SPAG17: variants seen among roughly 807,000 people sequenced by gnomAD.
SPAG17 encodes sperm associated antigen 17.
A neutral mutation model predicts 273.6 loss-of-function variants in SPAG17; 169 were observed. That is an observed-to-expected ratio of 0.62 (90% confidence interval 0.55 to 0.70). SPAG17 has a LOEUF of 0.70. Ranked by LOEUF, SPAG17 falls within the 30% of genes least tolerant of loss-of-function variation. The probability of loss-of-function intolerance (pLI) is 0.00; values close to 1 mark genes in which losing one functional copy is unlikely to be tolerated. For synonymous variants in SPAG17, 825 were observed against 873.2 expected (o/e 0.94, Z 0.97); for missense variants, 2,557 against 2,627.8 (o/e 0.97, Z 0.59).
rs1398840361 is a variant in SPAG17, at chr1:118,073,888, A to G, written c.2351T>C (p.Phe784Ser). Residue 784 changes from phenylalanine (F) to serine (S), a missense_variant, in exon 17 of 49, where the codon TTT (phenylalanine) becomes TCT (serine). By Grantham distance (155) the Phe-to-Ser change is radical (BLOSUM62 -2). Coordinates refer to ENST00000336338, the MANE Select transcript of SPAG17 (RefSeq NM_206996.4). ...TACTTTCGGTTTAAAATGTTCAGTA[A>G]AACTCCAGTCCATTAGACTGCGCTG... ...TQQRSLMDWS[F>S]TEHFKPKVLL... The G allele has an allele frequency of 1.3e-6, 2 of 1,580,480 alleles. No homozygotes were observed. Among genetic ancestry groups the G allele is most frequent in the Admixed American group, 3.9e-5 (2 of 51,084 alleles).
At chr1:118,090,731 T>C (rs1045159334) in intron 10 of SPAG17, among the ~76,000 whole-genome samples, 1 of 151,970 alleles carries the variant, frequency 6.6e-6, no homozygotes, top group Admixed American at 6.6e-5. Context: ...AAAAAAATTA[T>C]TTTAAATTCG....
chr1:117,996,346 T>C, intron 34 of SPAG17, 24 bp downstream of exon 34: 2 of 1,600,262 alleles, frequency 1.2e-6, no homozygotes, highest in Non-Finnish European at 8.5e-7. Context: ...ACACCGTGCA[T>C]TCCAGACAGT....
At chr1:118,166,960 CT>C (rs1660197187) in intron 1 of SPAG17, among the ~76,000 whole-genome samples, 2 of 151,916 alleles carry the variant, frequency 1.3e-5, no homozygotes, top group Admixed American at 1.3e-4. Context: ...GTAGATATTA[CT>C]TTTTGAGGCT....
intron 10 of SPAG17, among the ~76,000 whole-genome samples, chr1:118,090,087 G>A (rs1655266640): frequency 6.6e-6 from 1 of 152,158 alleles, no homozygotes; most frequent in South Asian, 2.1e-4. Flanking sequence ...TATCTTTACA[G>A]CAGTGTGAAA....
intron 29 of SPAG17, 57 bp from the exon 30 acceptor site, chr1:118,012,429 C>G (rs868735169): frequency 1.3e-6 from 2 of 1,559,534 alleles, no homozygotes; most frequent in Non-Finnish European, 8.7e-7. Context: ...CCCAAGTGTA[C>G]TTATTTTTAT....
intron 32 of SPAG17, 52 bp downstream of exon 32, chr1:118,005,362 A>G: frequency 7.0e-7 from 1 of 1,433,300 alleles, no homozygotes; most frequent in East Asian, 2.5e-5. Flanking sequence ...AGTGTGAAAT[A>G]TCTCAAAAGC....
In SPAG17 at chr1:117,995,735, C is replaced by CACACACACACAT. The variant is rs113958878; in HGVS notation, c.5053+634_5053+635insATGTGTGTGTGT. Among the ~76,000 whole-genome samples the CACACACACACAT allele has an allele frequency of 4.0e-4, 60 of 149,628 alleles. 1 individual carries two copies. Among genetic ancestry groups the CACACACACACAT allele is most frequent in the South Asian group, 2.1e-3 (10 of 4,662 alleles). ...ACACACACACACACACACACACACACAAACCTAGGCACAGCACATAGGTTT... is the reference window on the plus strand; with the variant it reads ...ACACACACACACACACACACACACACACACACACACATAAACCTAGGCACAGCACATAGGTTT... On this transcript the variant is annotated intron_variant, in intron 34 of 48. Coordinates refer to ENST00000336338, the MANE Select transcript of SPAG17 (RefSeq NM_206996.4).
chr1:118,096,930 A>G (rs1448314352), intron 7 of SPAG17, among the ~76,000 whole-genome samples: 2 of 152,162 alleles, frequency 1.3e-5, no homozygotes, highest in Non-Finnish European at 2.9e-5. Flanking sequence ...TCTTGGCCAA[A>G]TATATTAAAA....
intron 18 of SPAG17, among the ~76,000 whole-genome samples, chr1:118,056,233 GAGTTAATGAC>G (rs1401587301): frequency 1.3e-5 from 2 of 152,114 alleles, no homozygotes; most frequent in African/African-American, 4.8e-5. Flanking sequence ...ATAATACCAA[GAGTTAATGAC>G]AGTTTGAAGA....
Position 118,025,186 on chromosome 1 carries a change from T to C in SPAG17, c.3909+52A>G, listed in dbSNP as rs919845546. ...ATAGAACAGTTCCTTACCCATAAGT[T>C]GTCTTTTACTTTGGAACAGGGAAGA... On this transcript the variant is annotated intron_variant, in intron 27 of 48. Transcript: ENST00000336338. 1.8e-5 allele frequency: 29 copies of C among 1,568,728 alleles called. No individual in the cohort carries two copies. The Middle Eastern group carries it at 5.1e-4, about 27-fold the overall frequency.
intron 3 of SPAG17, among the ~76,000 whole-genome samples, chr1:118,143,318 T>C (rs911175541): frequency 3.3e-5 from 5 of 152,154 alleles, no homozygotes; most frequent in African/African-American, 7.2e-5. Flanking sequence ...GTGATGCAAG[T>C]AGAAAAAACA....
chr1:118,101,174 G>C (rs1186201527), intron 5 of SPAG17, among the ~76,000 whole-genome samples: 1 of 152,140 alleles, frequency 6.6e-6, no homozygotes. Context: ...CAGCACTGTG[G>C]GAGGCTGAGG....
intron 27 of SPAG17, among the ~76,000 whole-genome samples, chr1:118,024,900 T>A (rs961338391): frequency 1.3e-5 from 2 of 152,208 alleles, no homozygotes; most frequent in African/African-American, 4.8e-5. Context: ...AATCTTCTGA[T>A]CTATTATTGA....
At chr1:118,072,616 T>G (rs936427465) in intron 17 of SPAG17, among the ~76,000 whole-genome samples, 3 of 152,184 alleles carry the variant, frequency 2.0e-5, no homozygotes, top group Non-Finnish European at 4.4e-5. Flanking sequence ...AAGAGGCAAT[T>G]ATTAACTGCA....
chr1:117,970,003 A>G lies in SPAG17; in HGVS notation c.6387+53T>C, dbSNP rs1056204628. On this transcript the variant is annotated intron_variant, in intron 46 of 48. Coordinates refer to ENST00000336338, the MANE Select transcript of SPAG17 (RefSeq NM_206996.4). Reference sequence around the variant, plus strand: ...AGCCCACTTCACTGGAAACCTATACATAGTCACTTGCATGCACGCAAGCAC... The same window carrying G: ...AGCCCACTTCACTGGAAACCTATACGTAGTCACTTGCATGCACGCAAGCAC... The G allele has an allele frequency of 3.9e-6, 6 of 1,544,364 alleles. No homozygotes were observed. The African/African-American group carries it at 4.1e-5, about 11-fold the overall frequency.
At chr1:117,987,746 G>T (rs1035567526) in intron 40 of SPAG17, 88 bp downstream of exon 40, 9 of 1,294,398 alleles carry the variant, frequency 7.0e-6, no homozygotes, top group African/African-American at 1.5e-5. Context: ...ACATCTGGGT[G>T]CCTGGCAGGA....
chr1:117,973,304 A>T lies in SPAG17; in HGVS notation c.6141+121T>A, dbSNP rs1295421945. 6.1e-6 allele frequency: 8 copies of T among 1,314,310 alleles called. No individual in the cohort carries two copies. The African/African-American group carries it at 1.0e-4, about 17-fold the overall frequency. The allele number at this position is 1,314,310 out of a possible 1,614,324, so 81.4% of individuals were successfully genotyped here. ...AGTACACAGTGGCCGGAAACTAATA[A>T]CTTCAATGAATCAGAATTACATAAA... On this transcript the variant is annotated intron_variant, in intron 44 of 48. Coordinates refer to ENST00000336338, the MANE Select transcript of SPAG17 (RefSeq NM_206996.4).
chr1:118,150,961 T>C (rs1659344027), intron 2 of SPAG17, among the ~76,000 whole-genome samples: 1 of 152,192 alleles, frequency 6.6e-6, no homozygotes, highest in Non-Finnish European at 1.5e-5. Context: ...TTGAATTAAA[T>C]ATTTTGTCAC....
In SPAG17 at chr1:118,149,582, G is replaced by A. The variant is rs998856016; in HGVS notation, c.315+961C>T. Among the ~76,000 whole-genome samples, 5 of 152,176 alleles carry A rather than the reference G, an allele frequency of 3.3e-5. No individual in the cohort carries two copies. In the East Asian group the frequency reaches 5.8e-4, roughly 18 times the overall value. The stretch of plus-strand genomic sequence containing the variant: ...AGATAACTTTGGCATGATGGTGAGC[G>A]CCGCGTAGCAAGAGTTAATGCTATA... On this transcript the variant is annotated intron_variant, in intron 3 of 48. Transcript: ENST00000336338.
Sources: gnomAD v4.1 joint callset for allele counts (sites outside exome capture counted in the v4.1 genomes callset) on GRCh38, gnomAD v4.1.1 for gene constraint, MANE v1.5 for transcripts, NCBI Gene and HGNC (gene_info 2026-07-23, HGNC 2026-07-21) for gene names.